Variants in ADAMTSL1 observed in about 807,000 individuals in gnomAD.
ADAMTSL1 encodes the protein ADAMTS like 1.
Under a neutral mutation model 201.8 loss-of-function variants are expected in ADAMTSL1, and 126 were observed. The observed-to-expected ratio is 0.62, with a 90% confidence interval of 0.54 to 0.72. The LOEUF is 0.72. Ranked by LOEUF, ADAMTSL1 falls within the 30% of genes least tolerant of loss-of-function variation. The pLI, the probability that ADAMTSL1 is intolerant of heterozygous loss-of-function variation, is 0.00. For synonymous variants in ADAMTSL1, 1,121 were observed against 903.4 expected, an observed-to-expected ratio of 1.24 and a Z score of -4.32; for missense variants, 2,679 against 2,277.8, an observed-to-expected ratio of 1.18 and a Z score of -3.59.
At chr9:18,542,068 A>G (rs1416824844) in intron 3 of ADAMTSL1, among the ~76,000 whole-genome samples, 2 of 152,250 alleles carry the variant, frequency 1.3e-5, no homozygotes, top group East Asian at 3.8e-4. Flanking sequence ...CCTAATACAG[A>G]GCAGGGAGGG....
At chr9:18,345,308 C>T (rs1294648993) in intron 2 of ADAMTSL1, among the ~76,000 whole-genome samples, 2 of 152,030 alleles carry the variant, frequency 1.3e-5, no homozygotes, top group African/African-American at 2.4e-5. Flanking sequence ...GCAAATCTAA[C>T]TCATTTTCAA....
chr9:18,359,835 G>GCCCC lies in ADAMTSL1; in HGVS notation c.208-144991_208-144990insCCCC, dbSNP rs970903728. ...GCCCCACCTCCCCACCCGCCCCCCCGCCCACACAAAATGCCCCACCCCTGC... is the reference window on the plus strand; with the variant it reads ...GCCCCACCTCCCCACCCGCCCCCCCGCCCCCCCACACAAAATGCCCCACCCCTGC... On this transcript the variant is annotated intron_variant, in intron 2 of 29. Coordinates refer to the ADAMTSL1 transcript ENST00000680146. Among the ~76,000 whole-genome samples, 11 of 67,934 alleles carry GCCCC rather than the reference G, an allele frequency of 1.6e-4. 2 individuals are homozygous for GCCCC. Among genetic ancestry groups the GCCCC allele is most frequent in the Non-Finnish European group, 2.8e-4 (10 of 35,606 alleles). The allele number at this position is 67,934 out of a possible 152,430, so 44.6% of individuals were successfully genotyped here.
intron 2 of ADAMTSL1, among the ~76,000 whole-genome samples, chr9:18,386,204 G>A (rs923288641): frequency 5.9e-5 from 9 of 152,092 alleles, no homozygotes; most frequent in Admixed American, 3.3e-4. Flanking sequence ...TATTTTAAAC[G>A]AACTTGAAAA....
intron 1 of ADAMTSL1, among the ~76,000 whole-genome samples, chr9:17,998,381 G>C (rs979789826): frequency 6.6e-6 from 1 of 151,916 alleles, no homozygotes; most frequent in African/African-American, 2.4e-5. Flanking sequence ...GCAGAGCTAG[G>C]GTAGATAGGG....
chr9:18,445,963 C>A (rs935965484), intron 2 of ADAMTSL1, among the ~76,000 whole-genome samples: 2 of 151,990 alleles, frequency 1.3e-5, no homozygotes, highest in African/African-American at 4.8e-5. Flanking sequence ...AGGTATTCAT[C>A]CCCCTATTTT....
At chr9:17,961,202 G>C (rs548563307) in intron 1 of ADAMTSL1, among the ~76,000 whole-genome samples, 52 of 152,060 alleles carry the variant, frequency 3.4e-4, no homozygotes, top group Non-Finnish European at 5.9e-4. Flanking sequence ...CTCTGAGGCT[G>C]TTTTTTCACC....
chr9:18,407,004 T>G, intron 2 of ADAMTSL1, among the ~76,000 whole-genome samples: 1 of 152,350 alleles, frequency 6.6e-6, no homozygotes, highest in Non-Finnish European at 1.5e-5. Flanking sequence ...CAACAAACAT[T>G]TATTGAGTTT....
At chr9:17,980,531 T>C (rs1271273628) in intron 1 of ADAMTSL1, among the ~76,000 whole-genome samples, 1 of 152,158 alleles carries the variant, frequency 6.6e-6, no homozygotes, top group African/African-American at 2.4e-5. Flanking sequence ...GTGTCATCTG[T>C]ATGAACTGAA....
At position 17,942,461 on chromosome 9, in the gene ADAMTSL1, C is replaced by T. The variant is rs192129160; in HGVS notation, c.87+35539C>T. 4.9e-4 allele frequency among the ~76,000 whole-genome samples: 74 copies of T among 152,260 alleles called. No individual in the cohort carries two copies. The East Asian group carries it at 6.0e-3, about 12-fold the overall frequency. On this transcript the variant is annotated intron_variant, in intron 1 of 29. Transcript: ENST00000680146. ...ATGTGACACAGGGAACAGCATCAAA[C>T]GCTTGAAGCTTCTAAGTTCCCCATT...
chr9:17,941,074 T>G (rs1234716750), intron 1 of ADAMTSL1, among the ~76,000 whole-genome samples: 5 of 152,048 alleles, frequency 3.3e-5, no homozygotes, highest in African/African-American at 1.2e-4. Context: ...ACTTGAGACC[T>G]TTTAGAGAGA....
intron 2 of ADAMTSL1, among the ~76,000 whole-genome samples, chr9:18,390,313 G>GT (rs1282271731): frequency 6.6e-6 from 1 of 152,146 alleles, no homozygotes; most frequent in African/African-American, 2.4e-5. Context: ...ACACTGACAC[G>GT]TAGGGCATGC....
At chr9:18,653,389 C>T (rs1329121169) in intron 7 of ADAMTSL1, among the ~76,000 whole-genome samples, 1 of 152,174 alleles carries the variant, frequency 6.6e-6, no homozygotes, top group Non-Finnish European at 1.5e-5. Context: ...CCACCTTCTT[C>T]GTTCTTTAGA....
intron 23 of ADAMTSL1, among the ~76,000 whole-genome samples, chr9:18,868,266 C>T (rs1827666898): frequency 6.6e-6 from 1 of 152,176 alleles, no homozygotes; most frequent in East Asian, 1.9e-4. Context: ...TCCTTGTCTA[C>T]CAATTCCATC....
intron 26 of ADAMTSL1, among the ~76,000 whole-genome samples, chr9:18,895,538 G>T (rs138355629): frequency 6.6e-6 from 1 of 151,924 alleles, no homozygotes; most frequent in South Asian, 2.1e-4. Context: ...AGAGATTATG[G>T]GTGGAGACTG....
rs115592629 is a variant in ADAMTSL1 at position 18,072,009 on chromosome 9, C to A, written c.88-91853C>A. On this transcript the variant is annotated intron_variant, in intron 1 of 29. Coordinates refer to the ADAMTSL1 transcript ENST00000680146. ...TCCAAGCTCTTGACAGTGCCAGAAC[C>A]TTTCTAAGGCTCTTAGCTGTCCCTG... Among the ~76,000 whole-genome samples, 571 of 152,278 alleles carry A rather than the reference C, an allele frequency of 3.7e-3. 7 individuals are homozygous for A. The highest frequency in any genetic ancestry group is 0.013 in the African/African-American group (538 of 41,540).
intron 1 of ADAMTSL1, among the ~76,000 whole-genome samples, chr9:17,926,096 T>G (rs1826515542): frequency 6.6e-6 from 1 of 152,180 alleles, no homozygotes; most frequent in African/African-American, 2.4e-5. Flanking sequence ...CGGTCTGTGA[T>G]GTCTACTGCA....
intron 1 of ADAMTSL1, among the ~76,000 whole-genome samples, chr9:17,976,900 GT>G (rs1818475242): frequency 6.6e-6 from 1 of 151,934 alleles, no homozygotes; most frequent in South Asian, 2.1e-4. Flanking sequence ...AATAGGTATT[GT>G]TTTTTCCTTC....
intron 2 of ADAMTSL1, among the ~76,000 whole-genome samples, chr9:18,446,478 A>G (rs1333245725): frequency 6.6e-6 from 1 of 152,254 alleles, no homozygotes; most frequent in African/African-American, 2.4e-5. Context: ...GAATTCTACC[A>G]GATTATAAAA....
intron 9 of ADAMTSL1, among the ~76,000 whole-genome samples, chr9:18,668,864 G>A (rs1278717023): frequency 6.6e-6 from 1 of 152,188 alleles, no homozygotes; most frequent in Admixed American, 6.5e-5. Context: ...CGGGCTGGGG[G>A]TTGTCACCTT....
Sources: gnomAD v4.1 joint callset for allele counts (sites outside exome capture counted in the v4.1 genomes callset) on GRCh38, gnomAD v4.1.1 for gene constraint, MANE v1.5 for transcripts, NCBI Gene and HGNC (gene_info 2026-07-23, HGNC 2026-07-21) for gene names.